FAM81A: variants seen among roughly 807,000 people sequenced by gnomAD.
FAM81A encodes family with sequence similarity 81 member A.
Under a neutral mutation model 46.7 loss-of-function variants are expected in FAM81A, and 19 were observed. That is an observed-to-expected ratio of 0.41 (90% CI 0.28 to 0.60). FAM81A has a LOEUF of 0.60. Ranked by LOEUF, FAM81A falls within the 20% of genes least tolerant of loss-of-function variation. The pLI is 0.34. For missense variants in FAM81A, 377 were observed against 453.5 expected, an observed-to-expected ratio of 0.83 and a Z score of 1.53; for synonymous variants, 183 against 152.9, an observed-to-expected ratio of 1.20 and a Z score of -1.45.
Position 59,523,346 on chromosome 15 carries a change from A to G in FAM81A, c.*1968A>G, listed in dbSNP as rs1364273551. On this transcript the variant is annotated 3_prime_UTR_variant, in exon 9 of 9. Coordinates refer to ENST00000288228, the MANE Select transcript of FAM81A (RefSeq NM_152450.3). ...CTACTGATGCCCCGCTGTGCCTCCC[A>G]GACCGATTAAGTCAGAACCTCTGGG... 1.3e-5 allele frequency: 2 copies of G among 152,280 alleles called. No individual in the cohort carries two copies. Among genetic ancestry groups the G allele is most frequent in the Non-Finnish European group, 2.9e-5 (2 of 68,084 alleles). 9.4% of individuals were successfully genotyped at this position (152,280 alleles called of 1,614,324 possible).
rs954865833 is a variant in FAM81A at position 59,505,253 on chromosome 15, T to C, written c.414-1960T>C. Among the ~76,000 whole-genome samples, 15 of 152,306 alleles carry C rather than the reference T, an allele frequency of 9.8e-5. 1 individual carries two copies. Among genetic ancestry groups the C allele is most frequent in the Admixed American group, 5.9e-4 (9 of 15,296 alleles). ...AGGGCTGGGCGCGGTGGCACACATC[T>C]GTAATCCCAGCACTTTGGGAGGCTG... On this transcript the variant is annotated intron_variant, in intron 4 of 8. Coordinates refer to ENST00000288228, the MANE Select transcript of FAM81A (RefSeq NM_152450.3).
At chr15:59,434,418 C>A (rs1294398667), upstream of FAM81A, among the ~76,000 whole-genome samples, 1 of 152,246 alleles carries the variant, frequency 6.6e-6, no homozygotes, top group African/African-American at 2.4e-5. Context: ...TGCATTTCTA[C>A]AGCATCCAGT....
chr15:59,442,450 A>T (rs2081308577), intron 1 of FAM81A, among the ~76,000 whole-genome samples: 2 of 151,830 alleles, frequency 1.3e-5, no homozygotes, highest in African/African-American at 2.4e-5. Context: ...CCCCATCTCT[A>T]CTAAAAAAAT....
intron 3 of FAM81A, among the ~76,000 whole-genome samples, chr15:59,477,438 TGAA>T (rs1233446960): frequency 6.6e-6 from 1 of 152,174 alleles, no homozygotes. Flanking sequence ...TCTTAAGATG[TGAA>T]ACTTACTGCT....
rs2082334714 is a variant in FAM81A, at chr15:59,522,190, T to G, written c.*812T>G. 6.6e-6 allele frequency: 1 copy of G among 152,648 alleles called. No individual in the cohort carries two copies. Among genetic ancestry groups the G allele is most frequent in the Non-Finnish European group, 1.5e-5 (1 of 68,028 alleles). 9.5% of individuals were successfully genotyped at this position (152,648 alleles called of 1,614,324 possible). On this transcript the variant is annotated 3_prime_UTR_variant, in exon 9 of 9. Transcript: ENST00000288228. ...CACAATTAATTGTTCACTAATCAAA[T>G]AGAATGTGGTAATTTTTCAGACTTT...
intron 8 of FAM81A, among the ~76,000 whole-genome samples, chr15:59,517,107 A>G (rs2141844645): frequency 6.6e-6 from 1 of 152,266 alleles, no homozygotes; most frequent in South Asian, 2.1e-4. Context: ...CTTCAGCACC[A>G]TCGGCCAATT....
chr15:59,449,881 CA>C (rs2081397991), intron 1 of FAM81A, among the ~76,000 whole-genome samples: 1 of 149,658 alleles, frequency 6.7e-6, no homozygotes, highest in Non-Finnish European at 1.5e-5. Context: ...GAGATTCATT[CA>C]CATTGGGACT....
chr15:59,421,793 A>AT lies in FAM81A; in HGVS notation c.-78+19435_-78+19436insT, dbSNP rs1366026921. Among the ~76,000 whole-genome samples the AT allele has an allele frequency of 5.5e-4, 78 of 141,900 alleles. 2 individuals carry two copies. Among genetic ancestry groups the AT allele is most frequent in the African/African-American group, 2.2e-3 (74 of 33,320 alleles). The allele number at this position is 141,900 out of a possible 152,430, so 93.1% of individuals were successfully genotyped here. A position where few individuals can be genotyped will look rare whatever the true frequency, so the allele number is the denominator to read the frequency against. On this transcript the variant is annotated intron_variant, in intron 2 of 4. Coordinates refer to the FAM81A transcript ENST00000558348. ...TATCTATCTATCTATCTATCTATCT[A>AT]CCTACCTAACTACCTACCAAAAAAG...
Position 59,514,416 on chromosome 15 carries a change from G to GA in FAM81A, c.782dup (p.Asn261LysfsTer6), listed in dbSNP as rs1222958723. ...TGATCAGCTTTCCTTGATTGTTAAG[G>GA]AAAACAGTGTAGGTATTGATGTTTA... On this transcript the variant is annotated frameshift_variant, in exon 7 of 9. Transcript: ENST00000288228. LOFTEE classifies it high-confidence loss of function. 1 of 1,612,640 alleles carries GA rather than the reference G, an allele frequency of 6.2e-7. No homozygotes were observed. The highest frequency in any genetic ancestry group is 8.5e-7 in the Non-Finnish European group (1 of 1,179,538).
chr15:59,423,110 C>G (rs118001973), intron 2 of FAM81A, among the ~76,000 whole-genome samples: 2 of 151,778 alleles, frequency 1.3e-5, no homozygotes, highest in African/African-American at 2.4e-5. Context: ...TTAATTTTTA[C>G]TTTTTAAGAC....
chr15:59,459,249 C>T (rs1362190322), intron 2 of FAM81A, among the ~76,000 whole-genome samples: 2 of 152,206 alleles, frequency 1.3e-5, no homozygotes, highest in Non-Finnish European at 2.9e-5. Context: ...GTCCTCCCAC[C>T]TCAGCCACCC....
intron 3 of FAM81A, among the ~76,000 whole-genome samples, chr15:59,481,162 T>C (rs62013103): frequency 6.6e-6 from 1 of 151,782 alleles, no homozygotes; most frequent in African/African-American, 2.4e-5. Context: ...TCTTGGCTAA[T>C]TAAAAAAAAA....
chr15:59,505,371 G>A (rs996473871), intron 4 of FAM81A, among the ~76,000 whole-genome samples: 1 of 152,034 alleles, frequency 6.6e-6, no homozygotes, highest in Non-Finnish European at 1.5e-5. Flanking sequence ...AATTAGCCAG[G>A]CATGGTGATG....
intron 2 of FAM81A, among the ~76,000 whole-genome samples, chr15:59,424,551 T>C (rs2081187266): frequency 6.6e-6 from 1 of 152,246 alleles, no homozygotes; most frequent in African/African-American, 2.4e-5. Context: ...TGGTAGGCAT[T>C]ACATACTTGA....
At chr15:59,421,860 C>A (rs1188085973) in intron 2 of FAM81A, among the ~76,000 whole-genome samples, 5 of 144,540 alleles carry the variant, frequency 3.5e-5, no homozygotes, top group Middle Eastern at 3.5e-3. Context: ...ACAGATTAAA[C>A]CCTCAACCCT....
chr15:59,462,253 C>T (rs1449852959), intron 3 of FAM81A, among the ~76,000 whole-genome samples: 1 of 149,874 alleles, frequency 6.7e-6, no homozygotes, highest in Non-Finnish European at 1.5e-5. Context: ...GTGGCTATAA[C>T]ATTTTACAAT....
intron 3 of FAM81A, among the ~76,000 whole-genome samples, chr15:59,484,134 CA>C (rs2081889257): frequency 6.6e-6 from 1 of 152,136 alleles, no homozygotes; most frequent in Non-Finnish European, 1.5e-5. Flanking sequence ...CCTGCAGCCA[CA>C]AGGAGGAAGA....
intron 2 of FAM81A, among the ~76,000 whole-genome samples, chr15:59,430,686 G>T (rs1411324101): frequency 6.6e-6 from 1 of 152,208 alleles, no homozygotes; most frequent in East Asian, 1.9e-4. Flanking sequence ...GAAGAAGAGA[G>T]ACCTTGGAAT....
intron 3 of FAM81A, among the ~76,000 whole-genome samples, chr15:59,486,181 AG>A (rs1346074945): frequency 1.3e-5 from 2 of 152,272 alleles, no homozygotes; most frequent in East Asian, 3.9e-4. Context: ...CTCTGAAGAA[AG>A]AAAGAAAGGA....
Sources: gnomAD v4.1 joint callset for allele counts (sites outside exome capture counted in the v4.1 genomes callset) on GRCh38, gnomAD v4.1.1 for gene constraint, MANE v1.5 for transcripts, NCBI Gene and HGNC (gene_info 2026-07-23, HGNC 2026-07-21) for gene names.